YWHAQ: variants seen among roughly 807,000 people sequenced by gnomAD.
The protein encoded by YWHAQ is 14-3-3 protein theta.
Under a neutral mutation model 28.3 loss-of-function variants are expected in YWHAQ, and 6 were observed. The ratio of observed to expected loss-of-function variants is 0.21; its 90% CI spans 0.12 to 0.42. The LOEUF (loss-of-function observed/expected upper bound fraction) is 0.42. Ranked by LOEUF, YWHAQ falls within the 10% of genes least tolerant of loss-of-function variation. YWHAQ has a pLI of 1.00. For missense variants in YWHAQ, 201 were observed against 305.6 expected (o/e 0.66, Z 2.55); for synonymous variants, 143 against 119.1 (o/e 1.20, Z -1.31).
At chr2:9,610,068 C>T (rs1431634262) in intron 2 of YWHAQ, among the ~76,000 whole-genome samples, 1 of 152,166 alleles carries the variant, frequency 6.6e-6, no homozygotes, top group Non-Finnish European at 1.5e-5. Flanking sequence ...TTTTTTCCCC[C>T]TTAATCTACC....
At chr2:9,609,589 A>C (rs1448758266) in intron 2 of YWHAQ, among the ~76,000 whole-genome samples, 1 of 152,108 alleles carries the variant, frequency 6.6e-6, no homozygotes, top group East Asian at 1.9e-4. Context: ...GCAAGATAAA[A>C]AAAAATCATA....
intron 2 of YWHAQ, among the ~76,000 whole-genome samples, chr2:9,605,600 G>A (rs566295658): frequency 1.3e-5 from 2 of 152,030 alleles, no homozygotes; most frequent in South Asian, 2.1e-4. Flanking sequence ...TCAATGCATC[G>A]CCCATGCTGG....
At chr2:9,602,843 AAAAAAAAAAAAAAAAAAAAAT>A (rs1666726804) in intron 2 of YWHAQ, among the ~76,000 whole-genome samples, 2 of 29,186 alleles carry the variant, frequency 6.9e-5, no homozygotes, top group East Asian at 8.5e-4. Context: ...AAAAAAAAAA[AAAAAAAAAAAAAAAAAAAAAT>A]ATATATATAT....
At chr2:9,615,491 A>G (rs1243887814) in intron 2 of YWHAQ, 1 of 152,038 alleles carries the variant, frequency 6.6e-6, no homozygotes, top group Non-Finnish European at 1.5e-5. Context: ...TGGTTGGAGG[A>G]CAGAGGGAAC....
chr2:9,600,250 G>A (rs1356340855), intron 2 of YWHAQ, among the ~76,000 whole-genome samples: 1 of 152,156 alleles, frequency 6.6e-6, no homozygotes, highest in Non-Finnish European at 1.5e-5. Flanking sequence ...ATCTACTTCT[G>A]GTGAAGATGC....
chr2:9,617,761 A>AC (rs1241936767), intron 2 of YWHAQ, among the ~76,000 whole-genome samples: 1 of 151,866 alleles, frequency 6.6e-6, no homozygotes, highest in Non-Finnish European at 1.5e-5. Context: ...ACAAAGTGAG[A>AC]CCCCATCTCT....
intron 2 of YWHAQ, among the ~76,000 whole-genome samples, chr2:9,602,829 T>TAAAAAA (rs869073430): frequency 1.6e-4 from 6 of 37,204 alleles, no homozygotes; most frequent in Admixed American, 5.0e-4. Flanking sequence ...ATGCCTAATT[T>TAAAAAA]AAAAAAAAAA....
chr2:9,604,186 T>A (rs1052595989), intron 2 of YWHAQ, among the ~76,000 whole-genome samples: 1 of 152,016 alleles, frequency 6.6e-6, no homozygotes, highest in East Asian at 1.9e-4. Context: ...AAATAAAAAA[T>A]AATTATTTAA....
rs75172606 is a variant in YWHAQ, at chr2:9,586,644, A to C, written c.678+770T>G. Among the ~76,000 whole-genome samples the C allele has an allele frequency of 4.1e-3, 617 of 152,270 alleles. 8 individuals carry two copies. Among genetic ancestry groups the C allele is most frequent in the African/African-American group, 0.014 (585 of 41,538 alleles). On this transcript the variant is annotated intron_variant, in intron 5 of 5. Coordinates refer to ENST00000238081, the MANE Select transcript of YWHAQ (RefSeq NM_006826.4). ...AATGCAGGGTCTTCGTTCCCCTTTC[A>C]GTGGATTCATAATTACCCTATTCAG...
At chr2:9,597,449 C>T (rs2125064942) in intron 2 of YWHAQ, among the ~76,000 whole-genome samples, 1 of 152,076 alleles carries the variant, frequency 6.6e-6, no homozygotes, top group East Asian at 1.9e-4. Context: ...AGTTCGAGAC[C>T]ACCCTGGCCA....
chr2:9,612,822 G>A (rs1339792299), intron 2 of YWHAQ, among the ~76,000 whole-genome samples: 1 of 152,214 alleles, frequency 6.6e-6, no homozygotes, highest in Non-Finnish European at 1.5e-5. Context: ...GCTACACTGA[G>A]GCTAGATGCA....
chr2:9,603,506 C>T (rs1028036065), intron 2 of YWHAQ, among the ~76,000 whole-genome samples: 1 of 151,528 alleles, frequency 6.6e-6, no homozygotes, highest in African/African-American at 2.4e-5. Context: ...AACTCCTGAC[C>T]TCAGATGATC....
chr2:9,624,785 C>T (rs1388159542), intron 2 of YWHAQ, among the ~76,000 whole-genome samples: 2 of 151,576 alleles, frequency 1.3e-5, no homozygotes, highest in African/African-American at 2.4e-5. Flanking sequence ...TTCGCTCTGT[C>T]GCCTAGGCTG....
chr2:9,594,808 T>C (rs116458725), intron 2 of YWHAQ, among the ~76,000 whole-genome samples: 2,548 of 152,144 alleles, frequency 0.017, 37 homozygotes, highest in Non-Finnish European at 0.028. Context: ...TGGCTTAGGG[T>C]GAGGAGTAGG....
At chr2:9,603,792 G>A (rs767670541) in intron 2 of YWHAQ, among the ~76,000 whole-genome samples, 32 of 151,788 alleles carry the variant, frequency 2.1e-4, no homozygotes, top group Non-Finnish European at 3.7e-4. Context: ...GGGCGTGGTG[G>A]TGTACACCTG....
chr2:9,600,598 G>T (rs975730093), intron 2 of YWHAQ, among the ~76,000 whole-genome samples: 2 of 152,072 alleles, frequency 1.3e-5, no homozygotes, highest in African/African-American at 4.8e-5. Context: ...CCAGCTACTT[G>T]GGAGGCTAAA....
intron 2 of YWHAQ, among the ~76,000 whole-genome samples, chr2:9,611,904 T>G (rs1429469739): frequency 6.6e-6 from 1 of 152,202 alleles, no homozygotes; most frequent in Non-Finnish European, 1.5e-5. Flanking sequence ...CCTGGGCTCA[T>G]GTGATCTACC....
At chr2:9,629,651 G>C (rs755717192) in intron 2 of YWHAQ, among the ~76,000 whole-genome samples, 10 of 151,856 alleles carry the variant, frequency 6.6e-5, no homozygotes, top group African/African-American at 1.2e-4. Flanking sequence ...TATGGGGGGT[G>C]GGGGGGAGCA....
intron 5 of YWHAQ, among the ~76,000 whole-genome samples, chr2:9,585,688 G>A (rs6715408): frequency 0.13 from 19,235 of 152,036 alleles, 1,394 homozygotes; most frequent in African/African-American, 0.2. Flanking sequence ...TGAGAAGATC[G>A]CATGAGGCCA....
Sources: gnomAD v4.1 joint callset for allele counts (sites outside exome capture counted in the v4.1 genomes callset) on GRCh38, gnomAD v4.1.1 for gene constraint, MANE v1.5 for transcripts, NCBI Gene and HGNC (gene_info 2026-07-23, HGNC 2026-07-21) for gene names.